Variants in S100PBP observed in about 807,000 individuals in gnomAD.
S100PBP encodes the protein S100P-binding protein.
In S100PBP, 15 loss-of-function variants were observed where a neutral mutation model predicts 39.9. The observed-to-expected ratio is 0.38, with a 90% CI of 0.25 to 0.58. S100PBP has a LOEUF of 0.58. Ranked by LOEUF, S100PBP falls within the 20% of genes least tolerant of loss-of-function variation. The probability of loss-of-function intolerance (pLI) is 0.70; values close to 1 mark genes in which losing one functional copy is unlikely to be tolerated. For synonymous variants in S100PBP, 178 were observed against 180.3 expected, an observed-to-expected ratio of 0.99 and a Z score of 0.10; for missense variants, 504 against 487.3, an observed-to-expected ratio of 1.03 and a Z score of -0.32.
intron 5 of S100PBP, chr1:32,836,932 T>G (rs979428022): frequency 2.0e-5 from 3 of 152,012 alleles, no homozygotes; most frequent in Admixed American, 2.0e-4. Context: ...TTAAAATCAA[T>G]TTTTGCTCAG....
At chr1:32,841,122 CT>C (rs1287087328) in intron 5 of S100PBP, among the ~76,000 whole-genome samples, 1 of 150,108 alleles carries the variant, frequency 6.7e-6, no homozygotes, top group East Asian at 2.0e-4. Context: ...GATTGTGCCA[CT>C]GCACTTCAGC....
intron 5 of S100PBP, 133 bp downstream of exon 5, chr1:32,830,200 A>G (rs985898606): frequency 3.1e-6 from 2 of 647,668 alleles, no homozygotes; most frequent in Admixed American, 2.9e-5. Context: ...TACTTAAAAG[A>G]TTTTCACTTA....
chr1:32,824,846 A>ATATATATATATATATATATAT (rs1557482764), intron 1 of S100PBP: 8 of 145,960 alleles, frequency 5.5e-5, no homozygotes, highest in African/African-American at 1.8e-4. Flanking sequence ...ATATATATAT[A>ATATATATATATATATATATAT]AAGATTTGTG....
chr1:32,825,471 TG>T (rs1639281505), intron 2 of S100PBP, 42 bp downstream of exon 2: 1 of 152,302 alleles, frequency 6.6e-6, no homozygotes, highest in Non-Finnish European at 1.5e-5. Flanking sequence ...TCTCGAATTT[TG>T]TTTTATTTCA....
chr1:32,837,259 C>T (rs187453448), intron 5 of S100PBP: 2 of 149,308 alleles, frequency 1.3e-5, no homozygotes, highest in Admixed American at 6.7e-5. Flanking sequence ...TGTATGTCAT[C>T]TGTCTTTTTC....
intron 5 of S100PBP, among the ~76,000 whole-genome samples, chr1:32,845,385 A>G (rs1251921572): frequency 6.6e-6 from 1 of 151,986 alleles, no homozygotes; most frequent in Admixed American, 6.6e-5. Flanking sequence ...TGAGTGAACC[A>G]ATGTCGTGTC....
intron 5 of S100PBP, among the ~76,000 whole-genome samples, chr1:32,848,822 G>A (rs891213811): frequency 3.9e-5 from 6 of 152,276 alleles, no homozygotes; most frequent in South Asian, 2.1e-4. Flanking sequence ...AATTGTTGAC[G>A]TCATTCCTGA....
At chr1:32,842,214 TATATATGTATATATATATATATAC>T (rs1640136886) in intron 5 of S100PBP, among the ~76,000 whole-genome samples, 2 of 59,904 alleles carry the variant, frequency 3.3e-5, no homozygotes, top group African/African-American at 1.6e-4. Context: ...CATATATATA[TATATATGTATATATATATATATAC>T]ACACACACAC....
At chr1:32,844,825 CTATA>C (rs1023150425) in intron 5 of S100PBP, among the ~76,000 whole-genome samples, 2 of 149,960 alleles carry the variant, frequency 1.3e-5, no homozygotes, top group Non-Finnish European at 3.0e-5. Flanking sequence ...CTCTATATAT[CTATA>C]TATATATATC....
At chr1:32,836,299 A>C (rs1639815813) in intron 5 of S100PBP, 1 of 152,138 alleles carries the variant, frequency 6.6e-6, no homozygotes, top group Non-Finnish European at 1.5e-5. Flanking sequence ...CGTCTGGCTA[A>C]TTTTTGTATT....
intron 5 of S100PBP, chr1:32,836,515 C>CT: frequency 1.0e-6 from 1 of 974,404 alleles, no homozygotes; most frequent in Non-Finnish European, 1.2e-6. Flanking sequence ...TGTGTCCCAA[C>CT]TAAGTATTGT....
chr1:32,847,719 AG>A (rs1640440203), intron 5 of S100PBP: 1 of 152,002 alleles, frequency 6.6e-6, no homozygotes, highest in Non-Finnish European at 1.5e-5. Context: ...TTGTTGACCT[AG>A]AGGTGACACA....
intron 5 of S100PBP, among the ~76,000 whole-genome samples, chr1:32,849,629 T>TTTGCTA (rs2148690611): frequency 1.3e-5 from 2 of 152,338 alleles, no homozygotes; most frequent in South Asian, 4.1e-4. Flanking sequence ...AGTTAGTTAT[T>TTTGCTA]AGTGCTAAGG....
At chr1:32,853,876 G>C (rs1247363462) in intron 6 of S100PBP, among the ~76,000 whole-genome samples, 1 of 152,162 alleles carries the variant, frequency 6.6e-6, no homozygotes, top group Non-Finnish European at 1.5e-5. Context: ...CTGGGCAACA[G>C]GGCGAGACCC....
In S100PBP at chr1:32,857,895, T is replaced by C. The variant is rs1363090229; in HGVS notation, c.*1857T>C. 2 of 152,248 alleles carry C rather than the reference T, an allele frequency of 1.3e-5. No homozygotes were observed. Among genetic ancestry groups the C allele is most frequent in the African/African-American group, 4.8e-5 (2 of 41,462 alleles). 9.4% of individuals were successfully genotyped at this position (152,248 alleles called of 1,614,324 possible). Reference sequence around the variant, plus strand: ...TTTTTATCCAGTCAAGGATTTGCTTTTCCTTGAACATTTGTTTTAAATTCT... The same window carrying C: ...TTTTTATCCAGTCAAGGATTTGCTTCTCCTTGAACATTTGTTTTAAATTCT... On this transcript the variant is annotated 3_prime_UTR_variant, in exon 7 of 7. Coordinates refer to ENST00000373475, the MANE Select transcript of S100PBP (RefSeq NM_022753.4).
upstream of S100PBP, chr1:32,816,701 AG>A (rs374446106): frequency 3.8e-3 from 628 of 163,836 alleles, 2 homozygotes; most frequent in African/African-American, 5.9e-3. Flanking sequence ...TTGTGGAGTG[AG>A]GGGGGGGGAT....
At chr1:32,827,664 G>A (rs764325177) in intron 3 of S100PBP, among the ~76,000 whole-genome samples, 6 of 151,974 alleles carry the variant, frequency 3.9e-5, no homozygotes, top group Non-Finnish European at 7.4e-5. Flanking sequence ...GTATTTTAGT[G>A]GAGACGGTGT....
At chr1:32,851,331 C>G (rs141428774) in intron 5 of S100PBP, among the ~76,000 whole-genome samples, 6 of 152,068 alleles carry the variant, frequency 3.9e-5, no homozygotes, top group Non-Finnish European at 4.4e-5. Flanking sequence ...AACATGTAAA[C>G]GAGCTGAAAA....
At chr1:32,836,384 G>C (rs1364591206) in intron 5 of S100PBP, 1 of 209,590 alleles carries the variant, frequency 4.8e-6, no homozygotes, top group Non-Finnish European at 8.3e-6. Context: ...TCCCCATCTC[G>C]GCCTCCCAAA....
Sources: allele counts gnomAD v4.1 joint callset (sites outside exome capture counted in the v4.1 genomes callset), GRCh38; gene constraint gnomAD v4.1.1; transcripts MANE v1.5; gene names NCBI Gene and HGNC (gene_info 2026-07-23, HGNC 2026-07-21).